The following AGPS variants were observed in gnomAD, a reference collection of about 807,000 sequenced individuals.
The protein encoded by AGPS is alkyldihydroxyacetonephosphate synthase, peroxisomal.
Under a neutral mutation model 90.7 loss-of-function variants are expected in AGPS, and 26 were observed. That is an observed-to-expected ratio of 0.29 (90% CI 0.21 to 0.40). The LOEUF is 0.40. Ranked by LOEUF, AGPS falls within the 10% of genes least tolerant of loss-of-function variation. The pLI, the probability that AGPS is intolerant of heterozygous loss-of-function variation, is 1.00. For missense variants in AGPS, 540 were observed against 816.1 expected (o/e 0.66, Z 4.12); for synonymous variants, 294 against 285.3 (o/e 1.03, Z -0.31).
intron 13 of AGPS, among the ~76,000 whole-genome samples, chr2:177,498,073 AT>A (rs899827398): frequency 6.6e-6 from 1 of 151,348 alleles, no homozygotes; most frequent in African/African-American, 2.4e-5. Flanking sequence ...AAGAGTGTGG[AT>A]TTTTTTTAAC....
intron 14 of AGPS, among the ~76,000 whole-genome samples, chr2:177,504,597 A>C (rs1250063686): frequency 6.6e-6 from 1 of 152,154 alleles, no homozygotes; most frequent in Admixed American, 6.5e-5. Context: ...ATTATCTTAC[A>C]GTATTTGTAC....
At chr2:177,450,975 T>TATACATA (rs1434749270) in intron 8 of AGPS, among the ~76,000 whole-genome samples, 1 of 136,570 alleles carries the variant, frequency 7.3e-6, no homozygotes, top group African/African-American at 3.6e-5. Context: ...TATATATATA[T>TATACATA]TTTAGAGACA....
At chr2:177,503,508 T>C (rs1688621741) in intron 14 of AGPS, among the ~76,000 whole-genome samples, 1 of 152,174 alleles carries the variant, frequency 6.6e-6, no homozygotes, top group African/African-American at 2.4e-5. Context: ...TTAAATTTGT[T>C]TAAAAACCTT....
intron 11 of AGPS, among the ~76,000 whole-genome samples, chr2:177,491,909 C>T (rs998739198): frequency 6.6e-6 from 1 of 151,902 alleles, no homozygotes; most frequent in African/African-American, 2.4e-5. Flanking sequence ...CCTCAGCCTC[C>T]CAAGTAGCTG....
intron 17 of AGPS, 80 bp from the exon 18 acceptor site, chr2:177,521,189 G>A (rs1015276132): frequency 4.3e-5 from 52 of 1,200,212 alleles, no homozygotes; most frequent in South Asian, 1.2e-4. Context: ...CATTTGGGTC[G>A]TCTTGACTTT....
chr2:177,494,888 C>G (rs771773156), intron 12 of AGPS, among the ~76,000 whole-genome samples: 11 of 152,060 alleles, frequency 7.2e-5, no homozygotes, highest in Non-Finnish European at 1.5e-4. Context: ...CCTGCCATGG[C>G]TTCATGATCA....
chr2:177,541,463 C>T lies in AGPS; in HGVS notation c.*3268C>T, dbSNP rs966171700. 1 of 152,140 alleles carries T rather than the reference C, an allele frequency of 6.6e-6. No individual in the cohort carries two copies. The highest frequency in any genetic ancestry group is 6.6e-5 in the Admixed American group (1 of 15,252). 9.4% of individuals were successfully genotyped at this position (152,140 alleles called of 1,614,324 possible). On this transcript the variant is annotated 3_prime_UTR_variant, in exon 20 of 20. Coordinates refer to ENST00000264167, the MANE Select transcript of AGPS (RefSeq NM_003659.4). The stretch of plus-strand genomic sequence containing the variant: ...CTTCCATTCTGTATAAATGCTAGAA[C>T]ACAGTTACTACAGATTGATTCACAA...
chr2:177,436,139 A>ATTTTT (rs1172040227), intron 3 of AGPS, among the ~76,000 whole-genome samples: 2,884 of 81,836 alleles, frequency 0.035, 501 homozygotes, highest in African/African-American at 0.099. Context: ...GAAATGCTGA[A>ATTTTT]TTTTTTTTTT....
At chr2:177,494,419 AACC>A (rs1420858589) in intron 12 of AGPS, among the ~76,000 whole-genome samples, 2 of 152,318 alleles carry the variant, frequency 1.3e-5, no homozygotes, top group African/African-American at 4.8e-5. Context: ...TCAAGTGAAA[AACC>A]ACTTGTGTGT....
chr2:177,523,787 C>T lies in AGPS; in HGVS notation c.1837C>T (p.Leu613=), dbSNP rs1196861405. The T allele has an allele frequency of 1.2e-6, 2 of 1,613,794 alleles. No individual in the cohort carries two copies. Among genetic ancestry groups the T allele is most frequent in the Non-Finnish European group, 1.7e-6 (2 of 1,179,722 alleles). Residue 613 remains leucine (L), a synonymous_variant, in exon 19 of 20, where the codon CTG becomes TTG. Coordinates refer to ENST00000264167, the MANE Select transcript of AGPS (RefSeq NM_003659.4). ...AGAAATCCTTGCTAATGGAGGGAGC[C>T]TGTCACATCACCATGGAGGTATTCT... ...REEILANGGS[L]SHHHGVGKLR...
chr2:177,530,300 T>C (rs1320600229), intron 19 of AGPS, among the ~76,000 whole-genome samples: 1 of 152,232 alleles, frequency 6.6e-6, no homozygotes, highest in Non-Finnish European at 1.5e-5. Flanking sequence ...ATAATAGCTT[T>C]TCTGTTTATA....
At chr2:177,407,861 G>A (rs764625993) in intron 1 of AGPS, among the ~76,000 whole-genome samples, 1 of 149,696 alleles carries the variant, frequency 6.7e-6, no homozygotes, top group African/African-American at 2.5e-5. Flanking sequence ...GTGTAGTGGT[G>A]TGATCATAGC....
At chr2:177,500,264 G>T (rs1357176275) in intron 14 of AGPS, among the ~76,000 whole-genome samples, 1 of 151,918 alleles carries the variant, frequency 6.6e-6, no homozygotes, top group East Asian at 1.9e-4. Flanking sequence ...TGGTAGGGTG[G>T]TTTCTCTCTG....
Position 177,497,475 on chromosome 2 carries a change from A to T in AGPS, c.1286-214A>T, listed in dbSNP as rs747093085. Among the ~76,000 whole-genome samples the T allele has an allele frequency of 3.3e-5, 5 of 152,036 alleles. No homozygotes were observed. The East Asian group carries it at 9.6e-4, about 29-fold the overall frequency. On this transcript the variant is annotated intron_variant, in intron 12 of 19. Transcript: ENST00000264167. ...TTGATAATGGGTTTTGTAAATAAAAAGTTGTTTGTGACATTTGAAAGAAGA... is the reference window on the plus strand; with the variant it reads ...TTGATAATGGGTTTTGTAAATAAAATGTTGTTTGTGACATTTGAAAGAAGA...
chr2:177,452,581 C>T (rs1261169956), intron 8 of AGPS, among the ~76,000 whole-genome samples: 1 of 151,910 alleles, frequency 6.6e-6, no homozygotes, highest in African/African-American at 2.4e-5. Flanking sequence ...GAATGTTTTT[C>T]TTATAGGCAG....
chr2:177,440,929 C>T, intron 5 of AGPS, 36 bp from the exon 6 acceptor site: 1 of 1,542,510 alleles, frequency 6.5e-7, no homozygotes, highest in Non-Finnish European at 9.0e-7. Context: ...TTTATTTATG[C>T]CTCTGTAATT....
At chr2:177,476,060 C>G (rs1409988666) in intron 10 of AGPS, among the ~76,000 whole-genome samples, 2 of 151,640 alleles carry the variant, frequency 1.3e-5, no homozygotes, top group Non-Finnish European at 2.9e-5. Context: ...TGTGTCCTGT[C>G]TCTTTTTTTC....
At chr2:177,487,706 G>A (rs1037311833) in intron 11 of AGPS, among the ~76,000 whole-genome samples, 10 of 151,926 alleles carry the variant, frequency 6.6e-5, no homozygotes, top group Admixed American at 3.9e-4. Flanking sequence ...TGTGTCATGC[G>A]TTTTTTTCTC....
In AGPS at chr2:177,392,794, C is replaced by T; in HGVS notation, c.5C>T (p.Ala2Val). Residue 2 changes from alanine (A) to valine (V), a missense_variant, in exon 1 of 20, where the codon GCG becomes GTG. Physicochemically the swap from Ala to Val is moderately conservative, Grantham distance 64. Around this residue, in one of 2 missense-constraint regions of AGPS, gnomAD observed 135 missense variants for 124.0 expected, o/e 1.09. Coordinates refer to ENST00000264167, the MANE Select transcript of AGPS (RefSeq NM_003659.4). ...CGGCAGCACAAGGCGGTAGCCATGG[C>T]GGAGGCGGCGGCTGCAGCGGGTGGG... is the stretch of plus-strand genomic sequence containing the variant. MAEAAAAAGGTG... is the reference protein window; with the variant it reads MVEAAAAAGGTG... 2 of 1,496,260 alleles carry T rather than the reference C, an allele frequency of 1.3e-6. No individual in the cohort carries two copies. The highest frequency in any genetic ancestry group is 1.4e-5 in the South Asian group (1 of 74,026). 92.7% of individuals were successfully genotyped at this position (1,496,260 alleles called of 1,614,324 possible). A position where few individuals can be genotyped will look rare whatever the true frequency, so the allele number is the denominator to read the frequency against.
Sources: allele counts gnomAD v4.1 joint callset (sites outside exome capture counted in the v4.1 genomes callset), GRCh38; gene constraint gnomAD v4.1.1; regional missense constraint gnomAD v4.1.1; transcripts MANE v1.5; gene names NCBI Gene and HGNC (gene_info 2026-07-23, HGNC 2026-07-21).